RHBDD1: variants seen among roughly 807,000 people sequenced by gnomAD.
RHBDD1 encodes rhomboid domain containing 1.
A neutral mutation model predicts 36.3 loss-of-function variants in RHBDD1; 38 were observed. The ratio of observed to expected loss-of-function variants is 1.05; its 90% CI spans 0.81 to 1.37. The LOEUF is 1.37. RHBDD1 is among the 40% of genes most tolerant of loss of function. RHBDD1 has a pLI of 0.00. For missense variants in RHBDD1, 393 were observed against 377.6 expected (o/e 1.04, Z -0.34); for synonymous variants, 151 against 136.5 (o/e 1.11, Z -0.74).
the RHBDD1 span, among the ~76,000 whole-genome samples, chr2:226,803,330 G>A: frequency 1.3e-5 from 2 of 151,936 alleles, no homozygotes; most frequent in Non-Finnish European, 2.9e-5. Context: ...GTGTGTGTGT[G>A]TGTGAGAGAG....
chr2:226,904,678 C>G (rs962359599), intron 5 of RHBDD1, among the ~76,000 whole-genome samples: 1 of 152,182 alleles, frequency 6.6e-6, no homozygotes, highest in Non-Finnish European at 1.5e-5. Context: ...TTCAAGTGTT[C>G]CTCATTGCAT....
intron 7 of RHBDD1, among the ~76,000 whole-genome samples, chr2:226,912,884 T>A (rs1190646898): frequency 6.6e-6 from 1 of 152,182 alleles, no homozygotes; most frequent in Admixed American, 6.5e-5. Flanking sequence ...AAAGCTGTTC[T>A]AAAAATATCA....
At chr2:226,987,937 C>T (rs1957365831) in intron 8 of RHBDD1, among the ~76,000 whole-genome samples, 1 of 152,008 alleles carries the variant, frequency 6.6e-6, no homozygotes, top group African/African-American at 2.4e-5. Flanking sequence ...GATTAAGGAC[C>T]ACTGCAGCAA....
intron 3 of RHBDD1, among the ~76,000 whole-genome samples, chr2:226,850,529 G>C (rs947070809): frequency 2.0e-5 from 3 of 152,052 alleles, no homozygotes; most frequent in Non-Finnish European, 4.4e-5. Flanking sequence ...GTTTTTCCCA[G>C]TTAGGAAAGT....
intron 7 of RHBDD1, among the ~76,000 whole-genome samples, chr2:226,911,003 A>C (rs1010066798): frequency 6.6e-6 from 1 of 152,176 alleles, no homozygotes; most frequent in African/African-American, 2.4e-5. Flanking sequence ...TGTTTTTATA[A>C]TATTCAGATG....
At chr2:226,980,006 G>A (rs1157670963) in intron 8 of RHBDD1, among the ~76,000 whole-genome samples, 1 of 152,170 alleles carries the variant, frequency 6.6e-6, no homozygotes, top group African/African-American at 2.4e-5. Flanking sequence ...AAGGTGTCAA[G>A]GAAGACTCTA....
chr2:226,859,579 G>C (rs1211876859), intron 3 of RHBDD1, among the ~76,000 whole-genome samples: 2 of 152,194 alleles, frequency 1.3e-5, no homozygotes, highest in African/African-American at 4.8e-5. Context: ...TATTTGTGGT[G>C]ATCCTGTGGT....
At chr2:226,902,082 T>G (rs187718913) in intron 5 of RHBDD1, among the ~76,000 whole-genome samples, 5 of 152,290 alleles carry the variant, frequency 3.3e-5, no homozygotes, top group Admixed American at 2.6e-4. Context: ...TCCCCAGTCC[T>G]AGCCTAAGAC....
chr2:226,984,950 C>T (rs1395316888), intron 8 of RHBDD1, among the ~76,000 whole-genome samples: 1 of 119,194 alleles, frequency 8.4e-6, no homozygotes, highest in Admixed American at 8.8e-5. Context: ...GGAGGAGGGG[C>T]AGAAGCAAAG....
At chr2:226,896,773 G>A (rs1469749521) in intron 5 of RHBDD1, among the ~76,000 whole-genome samples, 1 of 148,668 alleles carries the variant, frequency 6.7e-6, no homozygotes, top group Non-Finnish European at 1.5e-5. Flanking sequence ...GCAGCACCCT[G>A]TGCCCATATT....
At chr2:226,994,240 TC>T (rs1432741770) in intron 8 of RHBDD1, among the ~76,000 whole-genome samples, 1 of 152,198 alleles carries the variant, frequency 6.6e-6, no homozygotes, top group Non-Finnish European at 1.5e-5. Flanking sequence ...TACTGTGTGT[TC>T]AGAACTGTCC....
At chr2:226,840,309 A>T (rs1274261134) in intron 3 of RHBDD1, among the ~76,000 whole-genome samples, 2 of 152,154 alleles carry the variant, frequency 1.3e-5, no homozygotes, top group Non-Finnish European at 2.9e-5. Context: ...GACCTTTGGG[A>T]TCTACGTGAT....
chr2:226,976,691 G>A (rs912592576), intron 8 of RHBDD1, among the ~76,000 whole-genome samples: 10 of 152,154 alleles, frequency 6.6e-5, no homozygotes, highest in Admixed American at 4.6e-4. Flanking sequence ...AGAGAAGGGA[G>A]GGTTAGGAGT....
At chr2:226,993,649 G>A (rs563461220) in intron 8 of RHBDD1, among the ~76,000 whole-genome samples, 3 of 152,158 alleles carry the variant, frequency 2.0e-5, no homozygotes, top group South Asian at 2.1e-4. Flanking sequence ...CCAGGGGTTG[G>A]GGAGGTATAA....
At chr2:226,874,065 C>G (rs530861658) in intron 5 of RHBDD1, among the ~76,000 whole-genome samples, 143 of 152,164 alleles carry the variant, frequency 9.4e-4, no homozygotes, top group South Asian at 1.5e-3. Context: ...TATCAAACAA[C>G]CAGATCTCAT....
At chr2:226,966,111 A>C (rs1014396447) in intron 8 of RHBDD1, among the ~76,000 whole-genome samples, 1 of 152,186 alleles carries the variant, frequency 6.6e-6, no homozygotes, top group Non-Finnish European at 1.5e-5. Flanking sequence ...CATAAAAACC[A>C]TATGATTGTC....
At chr2:226,865,415 C>G (rs1944242168) in intron 4 of RHBDD1, among the ~76,000 whole-genome samples, 2 of 152,100 alleles carry the variant, frequency 1.3e-5, no homozygotes, top group African/African-American at 2.4e-5. Flanking sequence ...ACAGAAAGAC[C>G]CACAGATGTA....
At chr2:226,956,463 C>T (rs764165270) in intron 8 of RHBDD1, among the ~76,000 whole-genome samples, 2 of 152,210 alleles carry the variant, frequency 1.3e-5, no homozygotes, top group Non-Finnish European at 2.9e-5. Context: ...TACCTATCAT[C>T]ACCAGTCCCC....
At chr2:226,876,095 G>A (rs1453136571) in intron 5 of RHBDD1, among the ~76,000 whole-genome samples, 1 of 152,200 alleles carries the variant, frequency 6.6e-6, no homozygotes, top group Non-Finnish European at 1.5e-5. Flanking sequence ...CCAAACCATA[G>A]AGAAGAGGCC....
Sources: allele counts gnomAD v4.1 joint callset (sites outside exome capture counted in the v4.1 genomes callset), GRCh38; gene constraint gnomAD v4.1.1; transcripts MANE v1.5; gene names NCBI Gene and HGNC (gene_info 2026-07-23, HGNC 2026-07-21).